The following P3H2 variants were observed in gnomAD, a reference collection of about 807,000 sequenced individuals.
P3H2 encodes the protein prolyl 3-hydroxylase 2.
In P3H2, 80 loss-of-function variants were observed where a neutral mutation model predicts 87.0. The observed-to-expected ratio is 0.92, with a 90% confidence interval of 0.77 to 1.11. The LOEUF (loss-of-function observed/expected upper bound fraction) is 1.11. Ranked by LOEUF, P3H2 falls within the 50% of genes least tolerant of loss-of-function variation. The pLI is 0.00. For synonymous variants in P3H2, 367 were observed against 359.3 expected (o/e 1.02, Z -0.24); for missense variants, 1,001 against 923.9 (o/e 1.08, Z -1.08).
chr3:190,024,043 T>C (rs1725011959), intron 1 of P3H2, among the ~76,000 whole-genome samples: 1 of 152,174 alleles, frequency 6.6e-6, no homozygotes. Flanking sequence ...TATACTATAA[T>C]ATTAAATATA....
At chr3:190,121,876 G>C (rs1289464002), upstream of P3H2, among the ~76,000 whole-genome samples, 15 of 152,114 alleles carry the variant, frequency 9.9e-5, no homozygotes, top group Admixed American at 9.8e-4. Flanking sequence ...TGGATCACCT[G>C]AGGTCAGGAG....
chr3:190,099,354 C>G (rs1711537952), intron 1 of P3H2, among the ~76,000 whole-genome samples: 1 of 152,176 alleles, frequency 6.6e-6, no homozygotes, highest in African/African-American at 2.4e-5. Flanking sequence ...TTAGATACAA[C>G]AGATATTGCT....
Position 189,972,882 on chromosome 3 carries a change from G to A in P3H2, c.1691C>T (p.Ala564Val), listed in dbSNP as rs1326338537. The part of the protein sequence containing the change: ...FSYTHMVCRT[A>V]LSGQQDRRND... ...TCAGACTGCAATCTCACCAGACAGG[G>A]CTGTTCGGCAGACCATGTGTGTATA... Residue 564 changes from alanine to valine, a missense_variant, in exon 11 of 15, where the codon GCC (alanine) becomes GTC (valine). Physicochemically the swap from Ala to Val is moderately conservative, Grantham distance 64. Transcript: ENST00000319332. The A allele has an allele frequency of 6.2e-7, 1 of 1,613,938 alleles. No individual in the cohort carries two copies. Among genetic ancestry groups the A allele is most frequent in the Non-Finnish European group, 8.5e-7 (1 of 1,179,946 alleles).
chr3:190,038,486 G>GAAA (rs57971408), intron 1 of P3H2, among the ~76,000 whole-genome samples: 2 of 92,620 alleles, frequency 2.2e-5, no homozygotes, highest in African/African-American at 4.1e-5. Flanking sequence ...ACTGCAGAAT[G>GAAA]AAAAAAAAAA....
At chr3:190,001,676 T>A (rs1407496675) in intron 1 of P3H2, among the ~76,000 whole-genome samples, 2 of 152,206 alleles carry the variant, frequency 1.3e-5, no homozygotes, top group Non-Finnish European at 2.9e-5. Context: ...AAGGAAGTCA[T>A]CAAATTACAG....
chr3:189,962,161 C>CTTTTTTTTTTTTTTTTTTTTTTTT (rs770628547), intron 14 of P3H2, among the ~76,000 whole-genome samples: 2 of 87,648 alleles, frequency 2.3e-5, no homozygotes, highest in African/African-American at 4.7e-5. Context: ...TCTTCTTCTT[C>CTTTTTTTTTTTTTTTTTTTTTTTT]TTTTTTTTTT....
chr3:190,086,262 C>T lies in P3H2; in HGVS notation c.480+33990G>A, dbSNP rs73893503. 3.4e-3 allele frequency among the ~76,000 whole-genome samples: 516 copies of T among 152,296 alleles called. 4 individuals are homozygous for T. Among genetic ancestry groups the T allele is most frequent in the African/African-American group, 0.012 (502 of 41,566 alleles). ...CCTCACTGTCTCTCACTTGGAGTCT[C>T]TTAAGGGCTATCACTGAATACCCTC... is the stretch of plus-strand genomic sequence containing the variant. On this transcript the variant is annotated intron_variant, in intron 1 of 14. Transcript: ENST00000319332.
At chr3:190,083,680 A>T (rs2108981026) in intron 1 of P3H2, among the ~76,000 whole-genome samples, 1 of 152,324 alleles carries the variant, frequency 6.6e-6, no homozygotes, top group East Asian at 1.9e-4. Flanking sequence ...CTAGTCACCC[A>T]TTGATATTTA....
At chr3:190,077,079 T>C (rs1210943324) in intron 1 of P3H2, among the ~76,000 whole-genome samples, 2 of 152,096 alleles carry the variant, frequency 1.3e-5, no homozygotes, top group Non-Finnish European at 2.9e-5. Flanking sequence ...CAAAAAGAGG[T>C]AGAAAAACTT....
chr3:190,000,923 C>T (rs1477474505), intron 1 of P3H2, among the ~76,000 whole-genome samples: 1 of 152,168 alleles, frequency 6.6e-6, no homozygotes, highest in Non-Finnish European at 1.5e-5. Flanking sequence ...AACAGATCTT[C>T]CTAGAGGGCA....
intron 1 of P3H2, among the ~76,000 whole-genome samples, chr3:190,027,029 C>A (rs867817041): frequency 6.6e-6 from 1 of 152,106 alleles, no homozygotes; most frequent in Non-Finnish European, 1.5e-5. Flanking sequence ...TAGGTGATTT[C>A]GAAACATTTA....
At chr3:190,102,727 G>A (rs1389950036) in intron 1 of P3H2, among the ~76,000 whole-genome samples, 1 of 152,208 alleles carries the variant, frequency 6.6e-6, no homozygotes, top group Non-Finnish European at 1.5e-5. Context: ...GGCAGGGTTT[G>A]AGAGAATTGA....
intron 1 of P3H2, among the ~76,000 whole-genome samples, chr3:189,997,467 A>T (rs1724086610): frequency 6.6e-6 from 1 of 152,246 alleles, no homozygotes; most frequent in South Asian, 2.1e-4. Context: ...TGTAAGATTC[A>T]ACTGTATCTG....
Position 190,095,894 on chromosome 3 carries a change from G to A in P3H2, c.480+24358C>T, listed in dbSNP as rs188704616. On this transcript the variant is annotated intron_variant, in intron 1 of 14. Coordinates refer to ENST00000319332, the MANE Select transcript of P3H2 (RefSeq NM_018192.4). ...TGGGATTACAGGCTTGAGCCACCGC[G>A]CCCGGCCAAAAACAGGCTGTAATTC... Among the ~76,000 whole-genome samples the A allele has an allele frequency of 4.0e-3, 609 of 151,988 alleles. 4 individuals are homozygous for A. The highest frequency in any genetic ancestry group is 0.014 in the African/African-American group (592 of 41,432).
At chr3:190,059,159 C>T (rs1237029304) in intron 1 of P3H2, among the ~76,000 whole-genome samples, 2 of 152,134 alleles carry the variant, frequency 1.3e-5, no homozygotes, top group Non-Finnish European at 2.9e-5. Context: ...ACCCTACACT[C>T]CCATAGCCTT....
At chr3:190,052,981 T>C (rs1480467426) in intron 1 of P3H2, among the ~76,000 whole-genome samples, 3 of 152,228 alleles carry the variant, frequency 2.0e-5, no homozygotes, top group African/African-American at 7.2e-5. Context: ...TTTATAAAAC[T>C]TTATATGAAA....
At chr3:190,094,024 A>G (rs750337329) in intron 1 of P3H2, among the ~76,000 whole-genome samples, 1 of 152,176 alleles carries the variant, frequency 6.6e-6, no homozygotes, top group Non-Finnish European at 1.5e-5. Flanking sequence ...GAACTAAAAT[A>G]ATTTTGATTA....
Position 190,120,673 on chromosome 3 carries a change from G to GGCGGCAGTAGCAGCGGCAGCA in P3H2, c.38_58dup (p.Leu13_Pro19dup). On this transcript the variant is annotated inframe_insertion, in exon 1 of 15. Transcript: ENST00000319332. ...GTCCGGGGGGCCGCCCCACAGTGGC[G>GGCGGCAGTAGCAGCGGCAGCA]GCGGCAGTAGCAGCGGCAGCAGCAG... 6.6e-7 allele frequency: 1 copy of GGCGGCAGTAGCAGCGGCAGCA among 1,523,020 alleles called. No homozygotes were observed. Among genetic ancestry groups the GGCGGCAGTAGCAGCGGCAGCA allele is most frequent in the South Asian group, 1.2e-5 (1 of 82,330 alleles). The allele number at this position is 1,523,020 out of a possible 1,614,324, so 94.3% of individuals were successfully genotyped here.
Position 189,966,456 on chromosome 3 carries a change from T to C in P3H2, c.1894-2358A>G, listed in dbSNP as rs3773932. On this transcript the variant is annotated intron_variant, in intron 13 of 14. Transcript: ENST00000319332. The stretch of plus-strand genomic sequence containing the variant: ...AGAAGCTGTGAACTGTATGAGGCGG[T>C]TGGAACTGATTATAGCCGTGGATTC... Among the ~76,000 whole-genome samples the C allele has an allele frequency of 4.7e-4, 71 of 152,356 alleles. No homozygotes were observed. In the East Asian group the frequency reaches 0.013, roughly 28 times the overall value.
Sources: allele counts gnomAD v4.1 joint callset (sites outside exome capture counted in the v4.1 genomes callset), GRCh38; gene constraint gnomAD v4.1.1; transcripts MANE v1.5; gene names NCBI Gene and HGNC (gene_info 2026-07-23, HGNC 2026-07-21).